The following DNM3 variants were observed in gnomAD, a reference collection of about 807,000 sequenced individuals.
The protein encoded by DNM3 is dynamin 3.
DNM3 carries 47 observed loss-of-function variants against 101.6 expected under a neutral mutation model. The ratio of observed to expected loss-of-function variants is 0.46; its 90% confidence interval spans 0.37 to 0.59. The LOEUF (loss-of-function observed/expected upper bound fraction) is 0.59. Among genes scored for constraint, DNM3 ranks in the 20% least tolerant of loss-of-function variants. The pLI is 0.00. For missense variants in DNM3, 849 were observed against 1,085.7 expected, an observed-to-expected ratio of 0.78 and a Z score of 3.06; for synonymous variants, 385 against 387.9, an observed-to-expected ratio of 0.99 and a Z score of 0.09.
Position 172,317,284 on chromosome 1 carries a change from C to G in DNM3, c.1882-6045C>G, listed in dbSNP as rs570514635. ...AGCACTAAATGCCCATAAGAGAAAG[C>G]AGGAAAGATCCAAAATTGACACCCT... is the stretch of plus-strand genomic sequence containing the variant. On this transcript the variant is annotated intron_variant, in intron 16 of 20. Coordinates refer to ENST00000627582, the MANE Select transcript of DNM3 (RefSeq NM_015569.5). Among the ~76,000 whole-genome samples, 409 of 151,464 alleles carry G rather than the reference C, an allele frequency of 2.7e-3. 1 individual carries two copies. Among genetic ancestry groups the G allele is most frequent in the African/African-American group, 9.3e-3 (383 of 41,200 alleles).
chr1:172,209,797 G>A lies in DNM3; in HGVS notation c.1660-43776G>A, dbSNP rs190055748. On this transcript the variant is annotated intron_variant, in intron 14 of 20. Coordinates refer to ENST00000627582, the MANE Select transcript of DNM3 (RefSeq NM_015569.5). ...CCCAGGCCATTTTTTTCCTCATCTG[G>A]AAAATGCAGTTACTGATGTCTGGGT... 3.8e-3 allele frequency among the ~76,000 whole-genome samples: 573 copies of A among 152,046 alleles called. 3 individuals are homozygous for A. Among genetic ancestry groups the A allele is most frequent in the South Asian group, 0.013 (61 of 4,810 alleles).
At chr1:172,019,221 T>C (rs1422912111) in intron 4 of DNM3, among the ~76,000 whole-genome samples, 1 of 151,706 alleles carries the variant, frequency 6.6e-6, no homozygotes, top group East Asian at 1.9e-4. Context: ...TTTTCTTTTA[T>C]TTCATGAGTA....
chr1:172,139,960 A>C (rs1394838148), intron 14 of DNM3: 2 of 152,054 alleles, frequency 1.3e-5, no homozygotes, highest in Non-Finnish European at 2.9e-5. Context: ...AAATATCCAA[A>C]TAGTCAAAAT....
chr1:172,061,386 G>T (rs954992438), intron 10 of DNM3, among the ~76,000 whole-genome samples: 2 of 150,178 alleles, frequency 1.3e-5, no homozygotes, highest in African/African-American at 4.9e-5. Flanking sequence ...CTGCTATAAA[G>T]ACATATGCAC....
intron 2 of DNM3, among the ~76,000 whole-genome samples, chr1:171,963,553 A>G (rs540857484): frequency 2.6e-5 from 4 of 152,246 alleles, no homozygotes; most frequent in East Asian, 3.9e-4. Flanking sequence ...AAGTTCATCT[A>G]TTGTAACAAA....
intron 16 of DNM3, chr1:172,311,098 G>T (rs547875818): frequency 6.6e-6 from 1 of 152,206 alleles, no homozygotes; most frequent in Non-Finnish European, 1.5e-5. Context: ...TGCAGGGAAA[G>T]CATTGAACAG....
At chr1:171,928,199 G>A (rs2040728527) in intron 2 of DNM3, among the ~76,000 whole-genome samples, 1 of 152,160 alleles carries the variant, frequency 6.6e-6, no homozygotes, top group Non-Finnish European at 1.5e-5. Flanking sequence ...CCTCAGTTAT[G>A]TGGCTCCCCT....
intron 16 of DNM3, among the ~76,000 whole-genome samples, chr1:172,313,602 A>G (rs1318430644): frequency 6.6e-6 from 1 of 152,174 alleles, no homozygotes; most frequent in Non-Finnish European, 1.5e-5. Flanking sequence ...GCCATTTACT[A>G]GCCATGTGGC....
At chr1:172,282,268 T>C (rs1467284036) in intron 15 of DNM3, among the ~76,000 whole-genome samples, 1 of 152,204 alleles carries the variant, frequency 6.6e-6, no homozygotes, top group Non-Finnish European at 1.5e-5. Context: ...AAATATGGCC[T>C]TGTGAACTAA....
intron 2 of DNM3, among the ~76,000 whole-genome samples, chr1:171,934,651 T>A (rs1331857308): frequency 1.3e-5 from 2 of 152,176 alleles, no homozygotes; most frequent in Admixed American, 1.3e-4. Flanking sequence ...TGGTAAGAGC[T>A]TAGGCAAGGT....
At chr1:172,228,919 A>G (rs1321285241) in intron 14 of DNM3, among the ~76,000 whole-genome samples, 1 of 152,158 alleles carries the variant, frequency 6.6e-6, no homozygotes, top group African/African-American at 2.4e-5. Flanking sequence ...ATTTTTATCA[A>G]TCATTGTCAC....
chr1:172,306,807 G>A (rs1245218026), intron 15 of DNM3, among the ~76,000 whole-genome samples: 4 of 152,174 alleles, frequency 2.6e-5, no homozygotes, highest in African/African-American at 9.7e-5. Flanking sequence ...ATGGTGCTGG[G>A]AAAACTGGGT....
chr1:172,395,023 G>T (rs1164551928), intron 20 of DNM3, among the ~76,000 whole-genome samples: 1 of 152,146 alleles, frequency 6.6e-6, no homozygotes, highest in Non-Finnish European at 1.5e-5. Flanking sequence ...CATTCAGACA[G>T]TTCTTGTTAT....
intron 15 of DNM3, among the ~76,000 whole-genome samples, chr1:172,299,080 A>T (rs1228487729): frequency 6.6e-6 from 1 of 152,178 alleles, no homozygotes; most frequent in African/African-American, 2.4e-5. Flanking sequence ...AAATCCCAAG[A>T]TAGAGTAGGA....
chr1:172,011,452 C>G (rs556863131), intron 4 of DNM3, among the ~76,000 whole-genome samples: 2 of 152,116 alleles, frequency 1.3e-5, no homozygotes, highest in East Asian at 3.9e-4. Flanking sequence ...CCATCGATGT[C>G]TCCTCAATTT....
chr1:172,172,348 A>T (rs1246424692), intron 14 of DNM3, among the ~76,000 whole-genome samples: 1 of 151,696 alleles, frequency 6.6e-6, no homozygotes, highest in Non-Finnish European at 1.5e-5. Flanking sequence ...TATGCATACT[A>T]TGCTTTTTTT....
Position 171,841,822 on chromosome 1 carries a change from G to A in DNM3, c.161+5G>A, listed in dbSNP as rs1192094786. ...GCTCGAGAACTTCGTGGGCAGGTAAGCGCGCAGGGCGCGGAGTAAGGATGC... is the reference window on the plus strand; with the variant it reads ...GCTCGAGAACTTCGTGGGCAGGTAAACGCGCAGGGCGCGGAGTAAGGATGC... On this transcript the variant is annotated splice_donor_5th_base_variant and intron_variant, in intron 1 of 20. Coordinates refer to ENST00000627582, the MANE Select transcript of DNM3 (RefSeq NM_015569.5). 6.2e-7 allele frequency: 1 copy of A among 1,603,698 alleles called. No individual in the cohort carries two copies. Among genetic ancestry groups the A allele is most frequent in the Admixed American group, 1.7e-5 (1 of 59,232 alleles).
intron 4 of DNM3, among the ~76,000 whole-genome samples, chr1:171,997,368 T>A (rs1295141062): frequency 6.6e-6 from 1 of 152,084 alleles, no homozygotes; most frequent in Non-Finnish European, 1.5e-5. Context: ...AGGTCTTAGG[T>A]AGGTTGGGGC....
At chr1:171,841,905 A>AGGGT in intron 1 of DNM3, 88 bp downstream of exon 1, 1 of 1,238,434 alleles carries the variant, frequency 8.1e-7, no homozygotes, top group South Asian at 1.4e-5. Context: ...CGGGAGCCAG[A>AGGGT]GGGTGGATGG....
Sources: gnomAD v4.1 joint callset for allele counts (sites outside exome capture counted in the v4.1 genomes callset) on GRCh38, gnomAD v4.1.1 for gene constraint, MANE v1.5 for transcripts, NCBI Gene and HGNC (gene_info 2026-07-23, HGNC 2026-07-21) for gene names.